Variants in LYPLAL1 observed in about 807,000 individuals in gnomAD.
LYPLAL1 encodes the protein lysophospholipase like 1.
A neutral mutation model predicts 19.7 loss-of-function variants in LYPLAL1; 23 were observed. That is an observed-to-expected ratio of 1.17 (90% confidence interval 0.84 to 1.65). The LOEUF (loss-of-function observed/expected upper bound fraction) is 1.65, where lower values mean the gene tolerates loss of function less well. Ranked by LOEUF, LYPLAL1 falls within the 40% of genes most tolerant of loss-of-function variation. The probability of loss-of-function intolerance (pLI) is 0.00; values close to 1 mark genes in which losing one functional copy is unlikely to be tolerated. For synonymous variants in LYPLAL1, 119 were observed against 96.3 expected (o/e 1.24, Z -1.38); for missense variants, 355 against 279.4 (o/e 1.27, Z -1.93).
At chr1:219,195,151 C>A (rs775117065) in intron 3 of LYPLAL1, among the ~76,000 whole-genome samples, 3 of 151,984 alleles carry the variant, frequency 2.0e-5, no homozygotes, top group African/African-American at 4.8e-5. Context: ...GAGAGATGAA[C>A]AAACTATTTG....
chr1:219,299,834 G>GT, the LYPLAL1 span, among the ~76,000 whole-genome samples: 1 of 152,112 alleles, frequency 6.6e-6, no homozygotes, highest in African/African-American at 2.4e-5. Flanking sequence ...AAGCTGACTA[G>GT]TTTTTTCTTG....
the LYPLAL1 span, among the ~76,000 whole-genome samples, chr1:219,228,538 G>C: frequency 6.6e-6 from 1 of 151,640 alleles, no homozygotes; most frequent in Non-Finnish European, 1.5e-5. Flanking sequence ...TTATTATTTT[G>C]TTTACTACGA....
chr1:219,412,399 C>T, the LYPLAL1 span, among the ~76,000 whole-genome samples: 2 of 152,236 alleles, frequency 1.3e-5, no homozygotes, highest in East Asian at 1.9e-4. Flanking sequence ...GGGCGATAAC[C>T]CCTCCATCAT....
chr1:219,276,868 A>G, the LYPLAL1 span, among the ~76,000 whole-genome samples: 1 of 152,172 alleles, frequency 6.6e-6, no homozygotes, highest in Admixed American at 6.5e-5. Context: ...GGGTATAGAA[A>G]TTGAGATGTT....
chr1:219,373,085 C>T, the LYPLAL1 span, among the ~76,000 whole-genome samples: 1 of 152,172 alleles, frequency 6.6e-6, no homozygotes, highest in Non-Finnish European at 1.5e-5. Context: ...AACCATCAGG[C>T]ATGCTGGTGG....
chr1:219,229,297 GAGAGAGA>G, the LYPLAL1 span, among the ~76,000 whole-genome samples: 4 of 3,460 alleles, frequency 1.2e-3, no homozygotes, highest in Non-Finnish European at 0.029. Flanking sequence ...AGCATTTTGA[GAGAGAGA>G]GAGAGAGAGA....
At chr1:219,411,943 C>G in the LYPLAL1 span, 1 of 156,992 alleles carries the variant, frequency 6.4e-6, no homozygotes, top group Non-Finnish European at 1.4e-5. Context: ...TTGCGTTCTA[C>G]AAGAGATTTG....
intron 2 of LYPLAL1, among the ~76,000 whole-genome samples, chr1:219,182,377 T>G (rs1656360988): frequency 6.6e-6 from 1 of 152,132 alleles, no homozygotes; most frequent in African/African-American, 2.4e-5. Context: ...TTATTGTCGT[T>G]GCTTTTGTAG....
At chr1:219,224,665 A>T in the LYPLAL1 span, among the ~76,000 whole-genome samples, 6 of 152,248 alleles carry the variant, frequency 3.9e-5, no homozygotes, top group African/African-American at 1.4e-4. Flanking sequence ...TAACATTCAA[A>T]TGTTGTAGAT....
intron 3 of LYPLAL1, among the ~76,000 whole-genome samples, chr1:219,208,866 C>G (rs184395281): frequency 9.9e-5 from 15 of 152,120 alleles, no homozygotes; most frequent in Middle Eastern, 6.8e-3. Flanking sequence ...TTTCTGTGTA[C>G]TTACAATAAA....
chr1:219,193,305 T>TGTC, intron 3 of LYPLAL1, 54 bp downstream of exon 3: 1 of 1,409,964 alleles, frequency 7.1e-7, no homozygotes, highest in Non-Finnish European at 9.8e-7. Context: ...TCTAATTCTA[T>TGTC]ACATCAAATC....
chr1:219,286,397 G>T, the LYPLAL1 span, among the ~76,000 whole-genome samples: 1 of 152,098 alleles, frequency 6.6e-6, no homozygotes, highest in Non-Finnish European at 1.5e-5. Flanking sequence ...TATCATCCTT[G>T]CTCGTATGAT....
At chr1:219,440,607 A>G in the LYPLAL1 span, among the ~76,000 whole-genome samples, 1 of 152,216 alleles carries the variant, frequency 6.6e-6, no homozygotes, top group African/African-American at 2.4e-5. Flanking sequence ...TTCTTAGTTA[A>G]TAATGGCTAT....
chr1:219,340,734 A>G, the LYPLAL1 span, among the ~76,000 whole-genome samples: 1 of 152,088 alleles, frequency 6.6e-6, no homozygotes, highest in Non-Finnish European at 1.5e-5. Flanking sequence ...TGAGTTTCCC[A>G]TTTACACTGA....
the LYPLAL1 span, among the ~76,000 whole-genome samples, chr1:219,334,555 G>A: frequency 1.3e-5 from 2 of 150,206 alleles, no homozygotes; most frequent in Admixed American, 6.6e-5. Flanking sequence ...GTGTGTGTGT[G>A]TGTGTTTAAT....
chr1:219,187,302 A>G (rs1413017027), intron 2 of LYPLAL1, among the ~76,000 whole-genome samples: 1 of 151,626 alleles, frequency 6.6e-6, no homozygotes, highest in South Asian at 2.1e-4. Flanking sequence ...CTTTTCCTCA[A>G]CTGTATTTAA....
chr1:219,219,194 C>G, the LYPLAL1 span, among the ~76,000 whole-genome samples: 1,108 of 152,234 alleles, frequency 7.3e-3, 7 homozygotes, highest in Non-Finnish European at 0.013. Flanking sequence ...TTCATACCAA[C>G]TTTTCTAATT....
intron 2 of LYPLAL1, among the ~76,000 whole-genome samples, chr1:219,180,703 A>C (rs1275958864): frequency 6.6e-6 from 1 of 152,232 alleles, no homozygotes; most frequent in Non-Finnish European, 1.5e-5. Flanking sequence ...AAATATAAAT[A>C]CAATTGTCTG....
chr1:219,207,966 G>A (rs1658704283), intron 3 of LYPLAL1, among the ~76,000 whole-genome samples: 1 of 151,800 alleles, frequency 6.6e-6, no homozygotes, highest in South Asian at 2.1e-4. Context: ...TATTCTCTGT[G>A]TCTCACTCTT....
Sources: gnomAD v4.1 joint callset for allele counts (sites outside exome capture counted in the v4.1 genomes callset) on GRCh38, gnomAD v4.1.1 for gene constraint, MANE v1.5 for transcripts, NCBI Gene and HGNC (gene_info 2026-07-23, HGNC 2026-07-21) for gene names.